The following NPAT variants were observed in gnomAD, a reference collection of about 807,000 sequenced individuals.
NPAT encodes the protein protein NPAT.
NPAT carries 52 observed loss-of-function variants against 130.7 expected under a neutral mutation model. That is an observed-to-expected ratio of 0.40 (90% confidence interval 0.32 to 0.50). NPAT has a LOEUF of 0.50. NPAT is among the 20% of genes least tolerant of loss of function. The probability of loss-of-function intolerance (pLI) is 0.68; values close to 1 mark genes in which losing one functional copy is unlikely to be tolerated. For missense variants in NPAT, 1,687 were observed against 1,662.6 expected (o/e 1.01, Z -0.26); for synonymous variants, 580 against 584.8 (o/e 0.99, Z 0.12).
At position 108,174,752 on chromosome 11, in the gene NPAT, T is replaced by A. The variant is rs376264626; in HGVS notation, c.1133-901A>T. Among the ~76,000 whole-genome samples the A allele has an allele frequency of 6.6e-5, 10 of 151,860 alleles. No homozygotes were observed. The East Asian group carries it at 1.9e-3, about 30-fold the overall frequency. On this transcript the variant is annotated intron_variant, in intron 12 of 17. Transcript: ENST00000278612. ...GCCTCAGCCTCTTGAGTATCTGGGA[T>A]CACAGGTGCGCGCCAGCCACCACAC... is the stretch of plus-strand genomic sequence containing the variant.
rs59582350 is a variant in NPAT at position 108,213,790 on chromosome 11, A to G, written c.37+8710T>C. Reference sequence around the variant, plus strand: ...ACAGTAATCCAGACGATGTACGGGCATGAGGTTAGACACAGAAATTAGTGG... The same window carrying G: ...ACAGTAATCCAGACGATGTACGGGCGTGAGGTTAGACACAGAAATTAGTGG... On this transcript the variant is annotated intron_variant, in intron 1 of 17. Transcript: ENST00000278612. Among the ~76,000 whole-genome samples the G allele has an allele frequency of 5.9e-3, 893 of 152,338 alleles. 9 individuals are homozygous for G. The highest frequency in any genetic ancestry group is 0.017 in the African/African-American group (727 of 41,582).
chr11:108,199,214 G>T (rs1173034628), intron 1 of NPAT, among the ~76,000 whole-genome samples: 1 of 152,210 alleles, frequency 6.6e-6, no homozygotes, highest in Non-Finnish European at 1.5e-5. Flanking sequence ...GTGGTTGCTG[G>T]TATCTCCAAG....
rs373369834 is a variant in NPAT at position 108,159,017 on chromosome 11, T to C, written c.4209A>G (p.Lys1403=). Residue 1403 remains lysine, a splice_region_variant and synonymous_variant, in exon 18 of 18, where the codon AAA becomes AAG. Coordinates refer to ENST00000278612, the MANE Select transcript of NPAT (RefSeq NM_002519.3). ...CTGGAAATGAACTGGGAAGCTTCTT[T>C]TTCTGTTGAAAAAGAGAAAGAAAAA... is the stretch of plus-strand genomic sequence containing the variant. ...SIPMKKKKIK[K]KKLPSSFPAG... 3.8e-5 allele frequency: 61 copies of C among 1,602,418 alleles called. No individual in the cohort carries two copies. The highest frequency in any genetic ancestry group is 4.8e-5 in the Non-Finnish European group (56 of 1,174,258).
At chr11:108,213,487 C>T (rs76508568) in intron 1 of NPAT, among the ~76,000 whole-genome samples, 3,293 of 152,170 alleles carry the variant, frequency 0.022, 86 homozygotes, top group African/African-American at 0.067. Context: ...AACTGGAAAA[C>T]GTCACTGGAG....
At chr11:108,198,805 C>T (rs976631080) in intron 1 of NPAT, among the ~76,000 whole-genome samples, 1 of 152,220 alleles carries the variant, frequency 6.6e-6, no homozygotes, top group Non-Finnish European at 1.5e-5. Context: ...GTTGGGTCCC[C>T]TCTCGTGTCG....
chr11:108,204,157 A>G (rs575897894), intron 1 of NPAT, among the ~76,000 whole-genome samples: 77 of 152,314 alleles, frequency 5.1e-4, no homozygotes, highest in African/African-American at 1.8e-3. Flanking sequence ...TGATAGCAGC[A>G]AGAGACAAAT....
chr11:108,201,602 A>G (rs756504873), intron 1 of NPAT, among the ~76,000 whole-genome samples: 20 of 152,246 alleles, frequency 1.3e-4, no homozygotes, highest in Non-Finnish European at 2.4e-4. Flanking sequence ...AAGGATGGCC[A>G]GCCTGCCTCC....
rs749664790 is a variant in NPAT, at chr11:108,172,181, TTA to T, written c.2785+16_2785+17del. On this transcript the variant is annotated intron_variant, in intron 13 of 17. Coordinates refer to ENST00000278612, the MANE Select transcript of NPAT (RefSeq NM_002519.3). Reference sequence around the variant, plus strand: ...CCCAACCCAGAGAAACAAATTTCAATTATGTTATTAAAGTTACCTTGTGAAAA... The same window carrying T: ...CCCAACCCAGAGAAACAAATTTCAATTGTTATTAAAGTTACCTTGTGAAAA... The T allele has an allele frequency of 6.2e-7, 1 of 1,606,714 alleles. No individual in the cohort carries two copies. The highest frequency in any genetic ancestry group is 8.5e-7 in the Non-Finnish European group (1 of 1,173,250).
intron 1 of NPAT, among the ~76,000 whole-genome samples, chr11:108,203,948 C>G (rs2078298923): frequency 6.6e-6 from 1 of 152,128 alleles, no homozygotes; most frequent in East Asian, 1.9e-4. Context: ...TGTTTCTTCT[C>G]AATTAGAGAT....
At chr11:108,181,726 C>G (rs572734146) in intron 10 of NPAT, among the ~76,000 whole-genome samples, 2 of 150,348 alleles carry the variant, frequency 1.3e-5, no homozygotes, top group Admixed American at 6.7e-5. Context: ...AGGCCTGCAT[C>G]GAGGTCATAA....
In NPAT at chr11:108,172,956, T is replaced by C. The variant is rs1358660765; in HGVS notation, c.2028A>G (p.Leu676=). 1.9e-6 allele frequency: 3 copies of C among 1,614,010 alleles called. No individual in the cohort carries two copies. The highest frequency in any genetic ancestry group is 2.7e-5 in the African/African-American group (2 of 74,914). ...VKEENTIFLS[L]GGNANCEKVA... ...CTTTCTCACAGTTAGCATTTCCACC[T>C]AAAGAGAGAAAAATAGTATTCTCTT... The change falls in exon 13 of 18, where the codon TTA becomes TTG. Residue 676 remains leucine (L), a synonymous_variant. Coordinates refer to ENST00000278612, the MANE Select transcript of NPAT (RefSeq NM_002519.3).
At chr11:108,219,191 A>C (rs1157657930) in intron 1 of NPAT, among the ~76,000 whole-genome samples, 1 of 152,138 alleles carries the variant, frequency 6.6e-6, no homozygotes, top group Non-Finnish European at 1.5e-5. Flanking sequence ...GGGAGGCTGG[A>C]GGGCAGGAGG....
At chr11:108,184,367 G>A (rs1028083505) in intron 10 of NPAT, among the ~76,000 whole-genome samples, 8 of 151,712 alleles carry the variant, frequency 5.3e-5, no homozygotes, top group Admixed American at 2.0e-4. Flanking sequence ...AGCTACTCAG[G>A]AGGCTGAGGC....
chr11:108,218,800 T>C (rs2078457702), intron 1 of NPAT, among the ~76,000 whole-genome samples: 1 of 152,102 alleles, frequency 6.6e-6, no homozygotes. Flanking sequence ...CATGTCCAGT[T>C]TGGATGCAGC....
intron 1 of NPAT, among the ~76,000 whole-genome samples, chr11:108,201,332 T>G (rs536432089): frequency 1.2e-4 from 19 of 152,310 alleles, no homozygotes; most frequent in African/African-American, 4.1e-4. Context: ...GTGAAATAGT[T>G]TGTCCCTTAT....
At chr11:108,203,521 G>T (rs117869373) in intron 1 of NPAT, among the ~76,000 whole-genome samples, 3,167 of 152,268 alleles carry the variant, frequency 0.021, 53 homozygotes, top group South Asian at 0.036. Flanking sequence ...CTGTTGACCT[G>T]TAACAGTACC....
rs140585261 is a variant in NPAT at position 108,221,043 on chromosome 11, G to C, written c.37+1457C>G. 1.7e-3 allele frequency among the ~76,000 whole-genome samples: 262 copies of C among 152,340 alleles called. 1 individual carries two copies. Among genetic ancestry groups the C allele is most frequent in the African/African-American group, 5.9e-3 (247 of 41,580 alleles). ...GTCAGCAGAGTAGCTGGTTTGTGGA[G>C]AAAGAATACTCACACATCGATGTGA... On this transcript the variant is annotated intron_variant, in intron 1 of 17. Coordinates refer to ENST00000278612, the MANE Select transcript of NPAT (RefSeq NM_002519.3).
intron 10 of NPAT, among the ~76,000 whole-genome samples, chr11:108,178,872 A>G (rs2078033710): frequency 6.6e-6 from 1 of 152,168 alleles, no homozygotes; most frequent in Non-Finnish European, 1.5e-5. Context: ...CAAAAAAACA[A>G]AAACAAAATT....
At chr11:108,196,948 G>A (rs984535777) in intron 2 of NPAT, among the ~76,000 whole-genome samples, 4 of 152,022 alleles carry the variant, frequency 2.6e-5, no homozygotes, top group African/African-American at 9.7e-5. Flanking sequence ...TTTAACAAAA[G>A]AGATGACAAT....
Sources: gnomAD v4.1 joint callset for allele counts (sites outside exome capture counted in the v4.1 genomes callset) on GRCh38, gnomAD v4.1.1 for gene constraint, MANE v1.5 for transcripts, NCBI Gene and HGNC (gene_info 2026-07-23, HGNC 2026-07-21) for gene names.